Variants in MTMR12 observed in about 807,000 individuals in gnomAD.
The protein encoded by MTMR12 is myotubularin related protein 12, also known as myotubularin-related protein 12.
MTMR12 carries 33 observed loss-of-function variants against 96.7 expected under a neutral mutation model. The observed-to-expected ratio is 0.34, with a 90% CI of 0.26 to 0.46. The LOEUF is 0.46. Among genes scored for constraint, MTMR12 ranks in the 20% least tolerant of loss-of-function variants. MTMR12 has a pLI of 1.00. For missense variants in MTMR12, 721 were observed against 896.1 expected, an observed-to-expected ratio of 0.80 and a Z score of 2.49; for synonymous variants, 298 against 327.2, an observed-to-expected ratio of 0.91 and a Z score of 0.96.
At chr5:32,249,049 T>G (rs899077618) in intron 8 of MTMR12, among the ~76,000 whole-genome samples, 171 bp from the exon 9 acceptor site, 1 of 152,214 alleles carries the variant, frequency 6.6e-6, no homozygotes, top group African/African-American at 2.4e-5. Flanking sequence ...AAAAGAATGA[T>G]TTAGTTTTAA....
chr5:32,283,986 C>G (rs1276526332), intron 1 of MTMR12, among the ~76,000 whole-genome samples: 1 of 152,108 alleles, frequency 6.6e-6, no homozygotes, highest in Non-Finnish European at 1.5e-5. Context: ...TATGCCTGAG[C>G]AATTCTTGCT....
At chr5:32,293,165 G>A (rs1750800385) in intron 1 of MTMR12, among the ~76,000 whole-genome samples, 1 of 152,084 alleles carries the variant, frequency 6.6e-6, no homozygotes, top group Admixed American at 6.6e-5. Flanking sequence ...GACAAGGGGT[G>A]GACTTGTGAT....
In MTMR12 at chr5:32,237,503, C is replaced by T. The variant is rs917268599; in HGVS notation, c.1344+1498G>A. On this transcript the variant is annotated intron_variant, in intron 13 of 15. Transcript: ENST00000382142. ...CTGGTAACAGATGGCATTAACATAA[C>T]CCTGTGCTTTCTTCTTTTTTTTTTG... Among the ~76,000 whole-genome samples the T allele has an allele frequency of 4.7e-5, 7 of 147,688 alleles. No homozygotes were observed. The East Asian group carries it at 6.2e-4, about 13-fold the overall frequency.
At chr5:32,257,614 C>A (rs372524275) in intron 7 of MTMR12, among the ~76,000 whole-genome samples, 2 of 151,976 alleles carry the variant, frequency 1.3e-5, no homozygotes, top group African/African-American at 2.4e-5. Flanking sequence ...ACTAAAAATA[C>A]AAAAGTTAGC....
intron 7 of MTMR12, among the ~76,000 whole-genome samples, chr5:32,259,631 T>C (rs1191312119): frequency 1.3e-5 from 2 of 152,178 alleles, no homozygotes; most frequent in Non-Finnish European, 2.9e-5. Context: ...CAAATGATGA[T>C]ACAAAATAAC....
intron 13 of MTMR12, 35 bp from the exon 14 acceptor site, chr5:32,235,164 G>A (rs768846688): frequency 6.3e-7 from 1 of 1,584,482 alleles, no homozygotes. Context: ...TTGGTGGGCA[G>A]AGCCCAGAGC....
chr5:32,258,401 G>A (rs1209439319), intron 7 of MTMR12, among the ~76,000 whole-genome samples: 1 of 152,144 alleles, frequency 6.6e-6, no homozygotes, highest in Non-Finnish European at 1.5e-5. Context: ...TTAAACTCAG[G>A]CTGCTCATTC....
chr5:32,250,202 C>T (rs1490147307), intron 8 of MTMR12, among the ~76,000 whole-genome samples: 3 of 152,148 alleles, frequency 2.0e-5, no homozygotes, highest in Admixed American at 1.3e-4. Flanking sequence ...TATTGGGTGT[C>T]TAGCATCAAC....
intron 1 of MTMR12, among the ~76,000 whole-genome samples, chr5:32,289,127 G>A (rs1202997490): frequency 6.6e-6 from 1 of 152,176 alleles, no homozygotes; most frequent in African/African-American, 2.4e-5. Context: ...GGTGTTCGTA[G>A]CTACTGTAAT....
Position 32,228,593 on chromosome 5 carries a change from T to TATATATATATATATCATATATATG in MTMR12, c.*1161_*1184dup, listed in dbSNP as rs202033513. The TATATATATATATATCATATATATG allele has an allele frequency of 1.0e-5, 1 of 99,146 alleles. No individual in the cohort carries two copies. The highest frequency in any genetic ancestry group is 1.9e-5 in the Non-Finnish European group (1 of 51,434). The allele number at this position is 99,146 out of a possible 1,614,324, so 6.1% of individuals were successfully genotyped here. A position where few individuals can be genotyped will look rare whatever the true frequency, so the allele number is the denominator to read the frequency against. Reference sequence around the variant, plus strand: ...TCATATATATATCATATATATGTGATATATATATATATATCATATATATGA... The same window carrying TATATATATATATATCATATATATG: ...TCATATATATATCATATATATGTGATATATATATATATATCATATATATGATATATATATATATCATATATATGA... On this transcript the variant is annotated 3_prime_UTR_variant, in exon 16 of 16. Transcript: ENST00000382142.
rs908905633 is a variant in MTMR12 at position 32,275,545 on chromosome 5, A to G, written c.142+1137T>C. 1.2e-4 allele frequency among the ~76,000 whole-genome samples: 18 copies of G among 152,212 alleles called. 1 individual carries two copies. The highest frequency in any genetic ancestry group is 2.6e-4 in the Non-Finnish European group (18 of 68,050). The stretch of plus-strand genomic sequence containing the variant: ...TGGTGAGGCCCTCTGCAAACATGGC[A>G]TGTTGTGCCATAATCAGCTGGTTTA... On this transcript the variant is annotated intron_variant, in intron 2 of 15. Transcript: ENST00000382142.
chr5:32,278,649 G>A lies in MTMR12; in HGVS notation c.82-1907C>T, dbSNP rs968008553. 3.3e-5 allele frequency among the ~76,000 whole-genome samples: 5 copies of A among 152,192 alleles called. 1 individual carries two copies. The highest frequency in any genetic ancestry group is 6.8e-3 in the Middle Eastern group (2 of 294). On this transcript the variant is annotated intron_variant, in intron 1 of 15. Coordinates refer to ENST00000382142, the MANE Select transcript of MTMR12 (RefSeq NM_001040446.3). Reference sequence around the variant, plus strand: ...CACTCTCTGGCACCCATAAGCCTGCGGACTTATAGTGCAGGGATGCAGGCT... The same window carrying A: ...CACTCTCTGGCACCCATAAGCCTGCAGACTTATAGTGCAGGGATGCAGGCT...
At chr5:32,256,057 G>A (rs777530217) in intron 7 of MTMR12, 9 of 210,078 alleles carry the variant, frequency 4.3e-5, no homozygotes, top group Non-Finnish European at 6.6e-5. Context: ...AAAATGAGGG[G>A]ATAGGAAAAT....
At chr5:32,306,718 T>C (rs1004229606) in intron 1 of MTMR12, among the ~76,000 whole-genome samples, 1 of 152,194 alleles carries the variant, frequency 6.6e-6, no homozygotes, top group Non-Finnish European at 1.5e-5. Context: ...AATAACACTG[T>C]GTCCGTGGGC....
chr5:32,294,042 G>A (rs999056309), intron 1 of MTMR12, among the ~76,000 whole-genome samples: 3 of 152,064 alleles, frequency 2.0e-5, no homozygotes, highest in Non-Finnish European at 4.4e-5. Context: ...CTGACTTTGG[G>A]CCACCATCAT....
At chr5:32,261,860 C>T (rs377048838) in intron 7 of MTMR12, among the ~76,000 whole-genome samples, 1 of 152,206 alleles carries the variant, frequency 6.6e-6, no homozygotes, top group Admixed American at 6.5e-5. Flanking sequence ...ATCACAAGGT[C>T]AGGAGATCAA....
chr5:32,266,807 A>G (rs1749616731), intron 6 of MTMR12, among the ~76,000 whole-genome samples: 2 of 150,780 alleles, frequency 1.3e-5, no homozygotes, highest in African/African-American at 2.4e-5. Flanking sequence ...GAGCCGGGCG[A>G]GCTGGCTCAT....
intron 6 of MTMR12, among the ~76,000 whole-genome samples, chr5:32,264,141 C>T (rs1749494838): frequency 1.3e-5 from 2 of 152,204 alleles, no homozygotes; most frequent in African/African-American, 2.4e-5. Flanking sequence ...CCTGCCACTA[C>T]CTGCTAGGAC....
In MTMR12 at chr5:32,228,567, A is replaced by G. The variant is rs923716552; in HGVS notation, c.*1211T>C. 3.2e-5 allele frequency: 4 copies of G among 126,028 alleles called. No individual in the cohort carries two copies. The highest frequency in any genetic ancestry group is 2.2e-4 in the South Asian group (1 of 4,526). The allele number at this position is 126,028 out of a possible 1,614,324, so 7.8% of individuals were successfully genotyped here. ...TATCATATATATGTGATATATATAT[A>G]TCATATATATATCATATATATGTGA... On this transcript the variant is annotated 3_prime_UTR_variant, in exon 16 of 16. Coordinates refer to ENST00000382142, the MANE Select transcript of MTMR12 (RefSeq NM_001040446.3).
Sources: allele counts gnomAD v4.1 joint callset (sites outside exome capture counted in the v4.1 genomes callset), GRCh38; gene constraint gnomAD v4.1.1; transcripts MANE v1.5; gene names NCBI Gene and HGNC (gene_info 2026-07-23, HGNC 2026-07-21).